The following GYPB variants were observed in gnomAD, a reference collection of about 807,000 sequenced individuals.
GYPB encodes the protein glycophorin B (MNS blood group).
Under a neutral mutation model 15.3 loss-of-function variants are expected in GYPB, and 13 were observed. That is an observed-to-expected ratio of 0.85 (90% CI 0.55 to 1.35). The LOEUF (loss-of-function observed/expected upper bound fraction) is 1.35, where lower values mean the gene tolerates loss of function less well. GYPB is among the 40% of genes most tolerant of loss of function. GYPB has a pLI of 0.00. For missense variants in GYPB, 131 were observed against 108.3 expected (o/e 1.21, Z -0.93); for synonymous variants, 38 against 36.9 (o/e 1.03, Z -0.11).
intron 1 of GYPB, among the ~76,000 whole-genome samples, chr4:144,013,436 C>T (rs376261543): frequency 2.0e-5 from 3 of 151,186 alleles, no homozygotes; most frequent in African/African-American, 4.9e-5. Context: ...CCCAAAGGAC[C>T]ATAAATCATG....
chr4:144,005,459 C>A (rs1209854075), intron 1 of GYPB, among the ~76,000 whole-genome samples: 2 of 151,944 alleles, frequency 1.3e-5, no homozygotes, highest in Non-Finnish European at 2.9e-5. Flanking sequence ...TAATAAAAAC[C>A]ATGTGGTCTT....
At chr4:143,997,306 T>A (rs1270221289) in intron 4 of GYPB, 1 of 384,154 alleles carries the variant, frequency 2.6e-6, no homozygotes, top group Non-Finnish European at 4.8e-6. Flanking sequence ...CTTAGGGAGA[T>A]CTTTCATTGG....
chr4:144,002,475 T>C (rs1727676515), intron 1 of GYPB: 1 of 572,282 alleles, frequency 1.7e-6, no homozygotes, highest in African/African-American at 2.0e-5. Flanking sequence ...GGTTTATATT[T>C]CAGTCTCCTA....
chr4:144,015,747 G>A (rs1378716373), intron 1 of GYPB, among the ~76,000 whole-genome samples: 1 of 151,266 alleles, frequency 6.6e-6, no homozygotes, highest in Non-Finnish European at 1.5e-5. Context: ...TTCACACCAT[G>A]CTAAATATAT....
At position 143,999,460 on chromosome 4, in the gene GYPB, A is replaced by C. The variant is rs765678980; in HGVS notation, c.137-11T>G. 7.0e-7 allele frequency: 1 copy of C among 1,437,292 alleles called. No homozygotes were observed. Among genetic ancestry groups the C allele is most frequent in the Non-Finnish European group, 9.8e-7 (1 of 1,024,686 alleles). The allele number at this position is 1,437,292 out of a possible 1,614,324, so 89.0% of individuals were successfully genotyped here. On this transcript the variant is annotated splice_polypyrimidine_tract_variant and intron_variant, in intron 2 of 4. Transcript: ENST00000502664. Reference sequence around the variant, plus strand: ...GTTGTCCCGTTTCTCCTATAAAGCAAAATTTCAATGTAAGTCCAAATAAGA... The same window carrying C: ...GTTGTCCCGTTTCTCCTATAAAGCACAATTTCAATGTAAGTCCAAATAAGA...
In GYPB at chr4:144,002,247, T is replaced by G. The variant is rs1182516928; in HGVS notation, c.38-964A>C. The stretch of plus-strand genomic sequence containing the variant: ...ATTCATCTACAGTCAGCTGATGCAA[T>G]GTTGAACATTTGACACATTTTGATA... On this transcript the variant is annotated intron_variant, in intron 1 of 4. Transcript: ENST00000502664. Among the ~76,000 whole-genome samples, 8 of 151,482 alleles carry G rather than the reference T, an allele frequency of 5.3e-5. 1 individual carries two copies. In the South Asian group the frequency reaches 8.3e-4, roughly 16 times the overall value.
At chr4:143,995,725 A>C (rs1350739204), downstream of GYPB, among the ~76,000 whole-genome samples, 1 of 151,276 alleles carries the variant, frequency 6.6e-6, no homozygotes, top group Admixed American at 6.6e-5. Context: ...AACTATAATT[A>C]AGATCAATGG....
At chr4:143,999,009 C>T (rs1171976790) in intron 3 of GYPB, among the ~76,000 whole-genome samples, 3 of 151,214 alleles carry the variant, frequency 2.0e-5, no homozygotes, top group Admixed American at 6.6e-5. Context: ...GCAATGGATC[C>T]GATCCTCCCA....
chr4:143,998,490 C>G (rs543826662), intron 3 of GYPB, among the ~76,000 whole-genome samples: 1 of 147,206 alleles, frequency 6.8e-6, no homozygotes, highest in East Asian at 2.0e-4. Context: ...TGAATGTATG[C>G]GATAGTGATG....
chr4:144,016,716 A>T (rs11939996), intron 1 of GYPB: 19,386 of 364,178 alleles, frequency 0.053, 2,467 homozygotes, highest in African/African-American at 0.28. Context: ...GAAGTGATAT[A>T]GTACTGTATT....
chr4:143,998,409 A>T (rs1194140838), intron 3 of GYPB, among the ~76,000 whole-genome samples: 1 of 151,408 alleles, frequency 6.6e-6, no homozygotes, highest in Non-Finnish European at 1.5e-5. Context: ...ATTAATATTT[A>T]AATTATTCAC....
At position 144,013,949 on chromosome 4, in the gene GYPB, C is replaced by G. The variant is rs535180041; in HGVS notation, c.37+5302G>C. On this transcript the variant is annotated intron_variant, in intron 1 of 4. Coordinates refer to ENST00000502664, the MANE Select transcript of GYPB (RefSeq NM_002100.6). ...AAAATAATGGGTGAAGGACTAGAAC[C>G]AACATTTCTCCAAAGATATGCAAAA... 4.0e-5 allele frequency among the ~76,000 whole-genome samples: 6 copies of G among 151,272 alleles called. No individual in the cohort carries two copies. The East Asian group carries it at 1.2e-3, about 29-fold the overall frequency.
At chr4:144,003,331 G>T (rs1727724388) in intron 1 of GYPB, among the ~76,000 whole-genome samples, 2 of 151,254 alleles carry the variant, frequency 1.3e-5, no homozygotes, top group Admixed American at 1.3e-4. Context: ...TGCAGTAGAG[G>T]GTCCCATCTT....
chr4:144,013,597 T>G (rs1728330206), intron 1 of GYPB, among the ~76,000 whole-genome samples: 1 of 151,164 alleles, frequency 6.6e-6, no homozygotes, highest in Non-Finnish European at 1.5e-5. Context: ...CCATAAAAAA[T>G]GATGAGTTCA....
In GYPB at chr4:144,013,850, A is replaced by G. The variant is rs946795090; in HGVS notation, c.37+5401T>C. Among the ~76,000 whole-genome samples the G allele has an allele frequency of 1.2e-4, 18 of 150,962 alleles. 1 individual carries two copies. Among genetic ancestry groups the G allele is most frequent in the Admixed American group, 9.2e-4 (14 of 15,266 alleles). On this transcript the variant is annotated intron_variant, in intron 1 of 4. Coordinates refer to ENST00000502664, the MANE Select transcript of GYPB (RefSeq NM_002100.6). ...GATGAGTTAGTGGGTGCAGTGCACC[A>G]GCATGGCACATGTATACATATGTAA...
At chr4:143,995,997 G>C (rs1187097106), downstream of GYPB, 1 of 456,848 alleles carries the variant, frequency 2.2e-6, no homozygotes, top group Non-Finnish European at 3.6e-6. Context: ...CATGTTCTCC[G>C]CTGTTGGCTT....
At chr4:144,016,489 A>G (rs1465050217) in intron 1 of GYPB, among the ~76,000 whole-genome samples, 1 of 147,726 alleles carries the variant, frequency 6.8e-6, no homozygotes, top group African/African-American at 2.6e-5. Flanking sequence ...TTCCTTGCTT[A>G]TTCAACCAAT....
At chr4:144,006,152 G>A (rs1361435581) in intron 1 of GYPB, among the ~76,000 whole-genome samples, 3 of 152,014 alleles carry the variant, frequency 2.0e-5, no homozygotes, top group South Asian at 2.1e-4. Context: ...TTAGTACAAA[G>A]TAAATCTGTG....
chr4:143,998,600 C>T (rs1242392203), intron 3 of GYPB, among the ~76,000 whole-genome samples: 1 of 140,568 alleles, frequency 7.1e-6, no homozygotes, highest in African/African-American at 2.8e-5. Context: ...CACAGTGATA[C>T]TCAAGTGAGG....
Sources: allele counts gnomAD v4.1 joint callset (sites outside exome capture counted in the v4.1 genomes callset), GRCh38; gene constraint gnomAD v4.1.1; transcripts MANE v1.5; gene names NCBI Gene and HGNC (gene_info 2026-07-23, HGNC 2026-07-21).